The following CYREN variants were observed in gnomAD, a reference collection of about 807,000 sequenced individuals.
The protein encoded by CYREN is cell cycle regulator of NHEJ.
A neutral mutation model predicts 9.7 loss-of-function variants in CYREN; 7 were observed. The ratio of observed to expected loss-of-function variants is 0.72; its 90% CI spans 0.41 to 1.36. CYREN has a LOEUF of 1.36. Ranked by LOEUF, CYREN falls within the 40% of genes most tolerant of loss-of-function variation. CYREN has a pLI of 0.01. For missense variants in CYREN, 215 were observed against 198.1 expected (o/e 1.09, Z -0.51); for synonymous variants, 76 against 77.9 (o/e 0.98, Z 0.13).
intron 2 of CYREN, among the ~76,000 whole-genome samples, chr7:135,139,379 G>A (rs1448300635): frequency 1.3e-5 from 2 of 150,796 alleles, no homozygotes; most frequent in Non-Finnish European, 3.0e-5. Context: ...CCATGTGTAT[G>A]TCTTCTCTTG....
chr7:135,101,737 C>T (rs2348268), intron 2 of CYREN, among the ~76,000 whole-genome samples: 145,282 of 152,230 alleles, frequency 0.95, 69,646 homozygotes, highest in Non-Finnish European at 1. Flanking sequence ...AAGTGCCCAA[C>T]AGAAGGGCAG....
downstream of CYREN, chr7:135,164,304 A>G: frequency 1.2e-6 from 1 of 813,550 alleles, no homozygotes; most frequent in Non-Finnish European, 1.9e-6. Context: ...AGGGCAGGGT[A>G]GGAGGGAAAC....
chr7:135,169,154 C>T, intron 1 of CYREN, 94 bp from the exon 2 acceptor site: 2 of 404,556 alleles, frequency 4.9e-6, no homozygotes, highest in Non-Finnish European at 8.8e-6. Context: ...GTGACCAAGG[C>T]CCAAGAGACT....
chr7:135,164,458 C>G, downstream of CYREN: 1 of 1,599,936 alleles, frequency 6.3e-7, no homozygotes, highest in East Asian at 2.3e-5. Context: ...GGCCCAAGGC[C>G]TCGGTGGCGC....
intron 2 of CYREN, chr7:135,135,362 T>G (rs1011188747): frequency 8.9e-7 from 1 of 1,123,352 alleles, no homozygotes; most frequent in African/African-American, 1.6e-5. Context: ...TTTCCCTATC[T>G]CTCCCCTTAC....
At chr7:135,165,342 G>A (rs918783149), downstream of CYREN, 23 of 231,084 alleles carry the variant, frequency 1.0e-4, no homozygotes, top group Non-Finnish European at 1.8e-4. Context: ...TGCTGTCATG[G>A]GGCCAGACTT....
upstream of CYREN, among the ~76,000 whole-genome samples, chr7:135,171,872 G>GC (rs1364575841): frequency 6.6e-6 from 1 of 152,242 alleles, no homozygotes; most frequent in Non-Finnish European, 1.5e-5. Flanking sequence ...CCGGTGGAAT[G>GC]CCTTGCCAGA....
chr7:135,113,592 G>A (rs1039506571), intron 2 of CYREN, among the ~76,000 whole-genome samples: 1 of 152,192 alleles, frequency 6.6e-6, no homozygotes, highest in East Asian at 1.9e-4. Context: ...TTTTTTAAAT[G>A]TCTGACTACT....
intron 2 of CYREN, among the ~76,000 whole-genome samples, chr7:135,119,031 T>C (rs1826736348): frequency 1.3e-5 from 2 of 152,112 alleles, no homozygotes; most frequent in Non-Finnish European, 2.9e-5. Flanking sequence ...TGTAGGACTA[T>C]AAGACAAAAT....
intron 2 of CYREN, among the ~76,000 whole-genome samples, chr7:135,111,769 A>ACAGTAGTCC (rs1163487022): frequency 1.3e-5 from 2 of 152,146 alleles, no homozygotes; most frequent in African/African-American, 4.8e-5. Flanking sequence ...GGGCTGTTTT[A>ACAGTAGTCC]CAGTAGTCCA....
At chr7:135,142,801 G>GA (rs199673705) in intron 2 of CYREN, among the ~76,000 whole-genome samples, 17 of 150,784 alleles carry the variant, frequency 1.1e-4, no homozygotes, top group South Asian at 2.1e-4. Context: ...AAACTCTGAT[G>GA]AAAAAAAAAC....
intron 2 of CYREN, among the ~76,000 whole-genome samples, chr7:135,160,175 G>A (rs1207366405): frequency 6.6e-6 from 1 of 152,108 alleles, no homozygotes; most frequent in Non-Finnish European, 1.5e-5. Flanking sequence ...TGTTCAGAGT[G>A]GTTATTTCTA....
In CYREN at chr7:135,166,556, A is replaced by C; in HGVS notation, c.*55T>G. On this transcript the variant is annotated 3_prime_UTR_variant, in exon 4 of 4. Coordinates refer to ENST00000393114, the MANE Select transcript of CYREN (RefSeq NM_024033.4). ...CGGGCGGCCCAGCAGCACCAGTGGA[A>C]GCTCAGCTGTCCTCCAGCTGCTCTC... The C allele has an allele frequency of 6.6e-7, 1 of 1,522,114 alleles. No individual in the cohort carries two copies. 94.3% of individuals were successfully genotyped at this position (1,522,114 alleles called of 1,614,324 possible). A position where few individuals can be genotyped will look rare whatever the true frequency, so the allele number is the denominator to read the frequency against.
intron 3 of CYREN, 187 bp downstream of exon 3, chr7:135,167,545 C>T (rs1830257441): frequency 1.4e-6 from 2 of 1,430,886 alleles, no homozygotes; most frequent in Non-Finnish European, 1.8e-6. Flanking sequence ...TCAAAGACAC[C>T]CCACGAGCGC....
chr7:135,164,235 T>A (rs559136379), downstream of CYREN, among the ~76,000 whole-genome samples: 56 of 152,358 alleles, frequency 3.7e-4, no homozygotes, highest in African/African-American at 1.3e-3. Flanking sequence ...GGGCAGCTAA[T>A]GACTTATTTG....
chr7:135,121,207 AAAAAC>A (rs1470469007), intron 2 of CYREN, among the ~76,000 whole-genome samples: 1 of 152,250 alleles, frequency 6.6e-6, no homozygotes, highest in African/African-American at 2.4e-5. Context: ...CTCCGTCTCA[AAAAAC>A]AAAACAAAAC....
chr7:135,171,966 G>T (rs527364558), upstream of CYREN, among the ~76,000 whole-genome samples: 20 of 152,394 alleles, frequency 1.3e-4, no homozygotes, highest in South Asian at 4.1e-3. Context: ...GACATCTGAA[G>T]CTTGTCAAGA....
chr7:135,110,290 C>T (rs757532477), intron 2 of CYREN, among the ~76,000 whole-genome samples: 15 of 152,168 alleles, frequency 9.9e-5, no homozygotes, highest in Non-Finnish European at 1.8e-4. Context: ...GGTCACTGCT[C>T]AGCCCCCTGG....
chr7:135,113,291 T>C (rs781012816), intron 2 of CYREN, among the ~76,000 whole-genome samples: 83 of 152,298 alleles, frequency 5.4e-4, no homozygotes, highest in Non-Finnish European at 9.3e-4. Context: ...TTTTCAAACA[T>C]AAACAAAAGT....
Sources: gnomAD v4.1 joint callset for allele counts (sites outside exome capture counted in the v4.1 genomes callset) on GRCh38, gnomAD v4.1.1 for gene constraint, MANE v1.5 for transcripts, NCBI Gene and HGNC (gene_info 2026-07-23, HGNC 2026-07-21) for gene names.